Variants in CEP250 observed in about 807,000 individuals in gnomAD.
The protein encoded by CEP250 is centrosomal protein 250, also known as centrosome-associated protein CEP250.
In CEP250, 242 loss-of-function variants were observed where a neutral mutation model predicts 315.7. The ratio of observed to expected loss-of-function variants is 0.77; its 90% confidence interval spans 0.69 to 0.85. CEP250 has a LOEUF of 0.85. Ranked by LOEUF, CEP250 falls within the 40% of genes least tolerant of loss-of-function variation. The pLI is 0.00. For missense variants in CEP250, 2,515 were observed against 2,886.4 expected, an observed-to-expected ratio of 0.87 and a Z score of 2.95; for synonymous variants, 1,088 against 1,175.0, an observed-to-expected ratio of 0.93 and a Z score of 1.51.
In CEP250 at chr20:35,504,466, T is replaced by C; in HGVS notation, c.6097T>C (p.Tyr2033His). The C allele has an allele frequency of 6.2e-7, 1 of 1,613,212 alleles. No individual in the cohort carries two copies. The highest frequency in any genetic ancestry group is 8.5e-7 in the Non-Finnish European group (1 of 1,179,656). ...TGAGATCCAGGACCAGGATCTCCGATACCAGGAGGATGTGCAGCAGCTGCA... is the reference window on the plus strand; with the variant it reads ...TGAGATCCAGGACCAGGATCTCCGACACCAGGAGGATGTGCAGCAGCTGCA... ...EGEIQDQDLRYQEDVQQLQQA... is the reference protein window; with the variant it reads ...EGEIQDQDLRHQEDVQQLQQA... Residue 2033 changes from tyrosine to histidine, a missense_variant, in exon 30 of 35, where the codon TAC becomes CAC. Coordinates refer to ENST00000397527, the MANE Select transcript of CEP250 (RefSeq NM_007186.6).
In CEP250 at chr20:35,493,470, A is replaced by G. The variant is rs766920797; in HGVS notation, c.2931A>G (p.Gln977=). 2.5e-6 allele frequency: 4 copies of G among 1,610,366 alleles called. No homozygotes were observed. Among genetic ancestry groups the G allele is most frequent in the Admixed American group, 1.7e-5 (1 of 59,476 alleles). Residue 977 remains glutamine, a synonymous_variant, in exon 23 of 35, where the codon CAA becomes CAG. Transcript: ENST00000397527. ...TACAGACCCAGCTCCAGGAGGCTCA[A>G]CGGGAGCTGAAGGAGGCAGCCCGGC... ...GILQTQLQEA[Q]RELKEAARQH...
At position 35,490,647 on chromosome 20, in the gene CEP250, G is replaced by A. The variant is rs573133591; in HGVS notation, c.2597G>A (p.Arg866His). The A allele has an allele frequency of 1.3e-4, 206 of 1,612,834 alleles. 4 individuals carry two copies. The South Asian group carries it at 1.9e-3, about 15-fold the overall frequency. ...CCTTCATGTGGCCAGGAGAAGGAGCGCTCCTGGCACCAGCAGGAGCTGGCA... is the reference window on the plus strand; with the variant it reads ...CCTTCATGTGGCCAGGAGAAGGAGCACTCCTGGCACCAGCAGGAGCTGGCA... Reference protein sequence around the residue: ...NQLREKWEKERSWHQQELAKA... With the variant: ...NQLREKWEKEHSWHQQELAKA... Residue 866 changes from arginine to histidine, a missense_variant, in exon 21 of 35, where the codon CGC becomes CAC. By Grantham distance (29) the Arg-to-His change is conservative. Coordinates refer to ENST00000397527, the MANE Select transcript of CEP250 (RefSeq NM_007186.6).
rs779056270 is a variant in CEP250 at position 35,515,704 on chromosome 20, G to A, written c.*4078G>A. On this transcript the variant is annotated 3_prime_UTR_variant, in exon 35 of 35. Transcript: ENST00000397527. ...CTGACCCAGTACTCTGCAGAGCGGG[G>A]GAATGGGGCCAGGGGACAGGGGCAG... The A allele has an allele frequency of 8.8e-4, 134 of 152,402 alleles. 1 individual carries two copies. The highest frequency in any genetic ancestry group is 8.7e-4 in the Non-Finnish European group (59 of 68,196). 9.4% of individuals were successfully genotyped at this position (152,402 alleles called of 1,614,324 possible). A position where few individuals can be genotyped will look rare whatever the true frequency, so the allele number is the denominator to read the frequency against.
At chr20:35,487,901 T>C (rs1378475285) in intron 20 of CEP250, among the ~76,000 whole-genome samples, 1 of 152,248 alleles carries the variant, frequency 6.6e-6, no homozygotes, top group Non-Finnish European at 1.5e-5. Flanking sequence ...AATGGTTGCT[T>C]AGCTGCTATT....
rs1176167198 is a variant in CEP250 at position 35,503,806 on chromosome 20, G to T, written c.5437G>T (p.Ala1813Ser). The change falls in exon 30 of 35, where the codon GCC becomes TCC. Residue 1813 changes from alanine (A) to serine (S), a missense_variant. Coordinates refer to ENST00000397527, the MANE Select transcript of CEP250 (RefSeq NM_007186.6). The surrounding 1 kb of genome is among the most constrained non-coding windows in gnomAD (Gnocchi z 4.2). The stretch of plus-strand genomic sequence containing the variant: ...ACTGGATGAGGCCCAGAGAGCCCTA[G>T]CCCAGAGGGACCAGGAACTGGAGGC... ...SQLDEAQRAL[A>S]QRDQELEALQ... is the part of the protein sequence containing the mutation. 1.2e-6 allele frequency: 2 copies of T among 1,613,938 alleles called. No individual in the cohort carries two copies. The highest frequency in any genetic ancestry group is 1.1e-5 in the South Asian group (1 of 91,084).
chr20:35,473,622 C>T (rs533805938), intron 13 of CEP250, 70 bp downstream of exon 13: 20 of 1,452,588 alleles, frequency 1.4e-5, no homozygotes, highest in Non-Finnish European at 1.8e-5. Flanking sequence ...CAGCCATTTA[C>T]CCACTCCCAT....
At position 35,472,755 on chromosome 20, in the gene CEP250, A is replaced by G; in HGVS notation, c.1133A>G (p.Gln378Arg). 1 of 1,614,088 alleles carries G rather than the reference A, an allele frequency of 6.2e-7. No individual in the cohort carries two copies. The highest frequency in any genetic ancestry group is 8.5e-7 in the Non-Finnish European group (1 of 1,179,966). Residue 378 changes from glutamine (Q) to arginine (R), a missense_variant, in exon 12 of 35, where the codon CAG (glutamine) becomes CGG (arginine). Coordinates refer to ENST00000397527, the MANE Select transcript of CEP250 (RefSeq NM_007186.6). ...GAATTGGACTCTAGTATCTTCTCCC[A>G]GTTTGATTACCAGGATGCAGACAAG... is the stretch of plus-strand genomic sequence containing the variant. ...SLELDSSIFS[Q>R]FDYQDADKAL...
In CEP250 at chr20:35,498,045, T is replaced by C. The variant is rs746989566; in HGVS notation, c.3633T>C (p.Pro1211=). The change falls in exon 26 of 35, where the codon CCT becomes CCC. Residue 1211 remains proline (P), a synonymous_variant. Transcript: ENST00000397527. ...TGAGTGGTGGGGGAGACTCTGCTCC[T>C]TCCGTCTGGGGCCTTGAGCCAGGTG... ...PELSGGGDSA[P]SVWGLEPDQN... 1 of 1,586,288 alleles carries C rather than the reference T, an allele frequency of 6.3e-7. No homozygotes were observed. The highest frequency in any genetic ancestry group is 8.6e-7 in the Non-Finnish European group (1 of 1,161,698).
In CEP250 at chr20:35,494,533, T is replaced by C. The variant is rs1313930279; in HGVS notation, c.3043T>C (p.Leu1015=). The change falls in exon 24 of 35, where the codon TTG becomes CTG. Residue 1015 remains leucine, a synonymous_variant. Transcript: ENST00000397527. ...GCCCTTAATTTTCCAGGTGGAGGAC[T>C]TGAAGTCTCAGCTGGTGGCCCAGGA... ...KMDLQKQVED[L]KSQLVAQDDS... 3 of 1,613,784 alleles carry C rather than the reference T, an allele frequency of 1.9e-6. No individual in the cohort carries two copies. In the East Asian group the frequency reaches 6.7e-5, roughly 36 times the overall value.
At chr20:35,457,729 G>A (rs528780552) in intron 1 of CEP250, among the ~76,000 whole-genome samples, 1 of 152,276 alleles carries the variant, frequency 6.6e-6, no homozygotes, top group East Asian at 1.9e-4. Context: ...AACCGGGGAG[G>A]CAGAGGTTGC....
In CEP250 at chr20:35,517,043, C is replaced by T; in HGVS notation, c.*5417C>T. On this transcript the variant is annotated 3_prime_UTR_variant, in exon 35 of 35. Transcript: ENST00000397527. The stretch of plus-strand genomic sequence containing the variant: ...ACCGGGCACTGAGAAAAGTGGGAAG[C>T]CATGGTCACAGACTCTACATTCCCC... 1.0e-6 allele frequency: 1 copy of T among 985,228 alleles called. No individual in the cohort carries two copies. Among genetic ancestry groups the T allele is most frequent in the Non-Finnish European group, 1.2e-6 (1 of 829,690 alleles). The allele number at this position is 985,228 out of a possible 1,614,324, so 61.0% of individuals were successfully genotyped here.
At chr20:35,494,288 A>C (rs1187868820) in intron 23 of CEP250, 6 of 464,262 alleles carry the variant, frequency 1.3e-5, no homozygotes, top group Non-Finnish European at 2.3e-5. Flanking sequence ...CAAGATTTTT[A>C]TTTGTGCCTG....
In CEP250 at chr20:35,513,453, T is replaced by C. The variant is rs2147251958; in HGVS notation, c.*1827T>C. 1 of 152,202 alleles carries C rather than the reference T, an allele frequency of 6.6e-6. No individual in the cohort carries two copies. Among genetic ancestry groups the C allele is most frequent in the Non-Finnish European group, 1.5e-5 (1 of 68,020 alleles). The allele number at this position is 152,202 out of a possible 1,614,324, so 9.4% of individuals were successfully genotyped here. A position where few individuals can be genotyped will look rare whatever the true frequency, so the allele number is the denominator to read the frequency against. Reference sequence around the variant, plus strand: ...TTGTATTTTTAGTAGAGACAGGGTTTCTCCATGTTGATCAGGCTGGTCTCG... The same window carrying C: ...TTGTATTTTTAGTAGAGACAGGGTTCCTCCATGTTGATCAGGCTGGTCTCG... On this transcript the variant is annotated 3_prime_UTR_variant, in exon 35 of 35. Coordinates refer to ENST00000397527, the MANE Select transcript of CEP250 (RefSeq NM_007186.6).
intron 4 of CEP250, among the ~76,000 whole-genome samples, chr20:35,462,965 T>G (rs761577634): frequency 6.6e-6 from 1 of 152,172 alleles, no homozygotes; most frequent in Non-Finnish European, 1.5e-5. Flanking sequence ...AAGGGTTAAG[T>G]TAATTATCCA....
intron 34 of CEP250, 52 bp downstream of exon 34, chr20:35,510,106 T>C: frequency 6.6e-7 from 1 of 1,516,514 alleles, no homozygotes; most frequent in Non-Finnish European, 9.2e-7. Flanking sequence ...CTCAGGCCCT[T>C]TGTGCACCTC....
Position 35,500,002 on chromosome 20 carries a change from T to C in CEP250, c.3778-47T>C, listed in dbSNP as rs769410217. The C allele has an allele frequency of 7.4e-6, 12 of 1,612,152 alleles. No individual in the cohort carries two copies. The East Asian group carries it at 2.7e-4, about 36-fold the overall frequency. ...AGAGAGCTTGAGCCCTGCATTGTTT[T>C]GTGGAAGATGAGGAACTCACGTTTA... On this transcript the variant is annotated intron_variant, in intron 27 of 34. Coordinates refer to ENST00000397527, the MANE Select transcript of CEP250 (RefSeq NM_007186.6).
chr20:35,507,578 TC>T (rs1196618472), intron 30 of CEP250, among the ~76,000 whole-genome samples, 159 bp from the exon 31 acceptor site: 1 of 151,722 alleles, frequency 6.6e-6, no homozygotes, highest in Non-Finnish European at 1.5e-5. Context: ...GTTTTACCTA[TC>T]TGTAAAATGA....
At chr20:35,508,757 T>G (rs1310651816) in intron 32 of CEP250, among the ~76,000 whole-genome samples, 186 bp from the exon 33 acceptor site, 1 of 152,186 alleles carries the variant, frequency 6.6e-6, no homozygotes, top group African/African-American at 2.4e-5. Flanking sequence ...CTGCCTCTTC[T>G]GCTTCAGGAG....
rs2064395476 is a variant in CEP250 at position 35,513,344 on chromosome 20, C to G, written c.*1718C>G. 1 of 151,974 alleles carries G rather than the reference C, an allele frequency of 6.6e-6. No individual in the cohort carries two copies. The highest frequency in any genetic ancestry group is 1.5e-5 in the Non-Finnish European group (1 of 67,992). The allele number at this position is 151,974 out of a possible 1,614,324, so 9.4% of individuals were successfully genotyped here. On this transcript the variant is annotated 3_prime_UTR_variant, in exon 35 of 35. Coordinates refer to ENST00000397527, the MANE Select transcript of CEP250 (RefSeq NM_007186.6). ...ATCTCGGCTCACCAGTGGCAACATC[C>G]ACCTCCTGGGTTCAAGCAATTCTCC...
Sources: allele counts gnomAD v4.1 joint callset (sites outside exome capture counted in the v4.1 genomes callset), GRCh38; gene constraint gnomAD v4.1.1; non-coding constraint Gnocchi (gnomAD v3.1); transcripts MANE v1.5; gene names NCBI Gene and HGNC (gene_info 2026-07-23, HGNC 2026-07-21).